The following PLEKHD1 variants were observed in gnomAD, a reference collection of about 807,000 sequenced individuals.
PLEKHD1 encodes the protein pleckstrin homology and coiled-coil domain containing D1.
In PLEKHD1, 51 loss-of-function variants were observed where a neutral mutation model predicts 69.2. The ratio of observed to expected loss-of-function variants is 0.74; its 90% CI spans 0.59 to 0.93. The LOEUF is 0.93. PLEKHD1 is among the 40% of genes least tolerant of loss of function. The pLI is 0.00. For missense variants in PLEKHD1, 584 were observed against 641.0 expected (o/e 0.91, Z 0.96); for synonymous variants, 236 against 244.7 (o/e 0.96, Z 0.33).
chr14:69,501,421 C>G, intron 4 of PLEKHD1: 1 of 334,178 alleles, frequency 3.0e-6, no homozygotes, highest in Non-Finnish European at 5.5e-6. Context: ...AGGCCTTGCA[C>G]TGGGTAGCGG....
intron 1 of PLEKHD1, among the ~76,000 whole-genome samples, chr14:69,498,057 ATTTATTTTATTTTAT>A (rs778122389): frequency 5.4e-4 from 67 of 124,694 alleles, no homozygotes; most frequent in African/African-American, 8.7e-4. Context: ...ATTTTATTTT[ATTTATTTTATTTTAT>A]TTTATTTTAT....
chr14:69,528,325 G>T lies in PLEKHD1; in HGVS notation c.1427G>T (p.Arg476Leu). Reference sequence around the variant, plus strand: ...GAGGAGCTAAAGGAGGTGGCCAAGCGGCTCAGCAGGGACCAGCGCTTCCGG... The same window carrying T: ...GAGGAGCTAAAGGAGGTGGCCAAGCTGCTCAGCAGGGACCAGCGCTTCCGG... ...NMEELKEVAK[R>L]LSRDQRFRES... The change falls in exon 13 of 13, where the codon CGG (arginine) becomes CTG (leucine). Residue 476 changes from arginine (R) to leucine (L), a missense_variant. By Grantham distance (102) the Arg-to-Leu change is moderately radical (BLOSUM62 -2). Coordinates refer to ENST00000322564, the MANE Select transcript of PLEKHD1 (RefSeq NM_001161498.2). The T allele has an allele frequency of 6.4e-7, 1 of 1,551,718 alleles. No homozygotes were observed. Among genetic ancestry groups the T allele is most frequent in the Non-Finnish European group, 8.7e-7 (1 of 1,146,992 alleles).
rs202048326 is a variant in PLEKHD1 at position 69,526,121 on chromosome 14, C to A, written c.922C>A (p.Arg308=). The A allele has an allele frequency of 1.3e-6, 2 of 1,548,420 alleles. No homozygotes were observed. The highest frequency in any genetic ancestry group is 1.7e-6 in the Non-Finnish European group (2 of 1,146,006). The part of the protein sequence containing the change: ...LLEEKLLAEK[R]MKENEERSRA... ...AGAGGAGAAGCTCCTGGCAGAGAAG[C>A]GGTGAGGGAGCCCCGACCCCTGAAG... is the stretch of plus-strand genomic sequence containing the variant. Residue 308 remains arginine, a splice_region_variant and synonymous_variant, in exon 9 of 13, where the codon CGG becomes AGG. Coordinates refer to ENST00000322564, the MANE Select transcript of PLEKHD1 (RefSeq NM_001161498.2).
chr14:69,507,855 C>T (rs1287444394), intron 6 of PLEKHD1, among the ~76,000 whole-genome samples: 2 of 152,036 alleles, frequency 1.3e-5, no homozygotes, highest in East Asian at 1.9e-4. Flanking sequence ...ACTATAGGTG[C>T]ACTCCAGCAC....
intron 7 of PLEKHD1, among the ~76,000 whole-genome samples, chr14:69,522,694 C>A (rs113252204): frequency 0.034 from 5,163 of 152,250 alleles, 138 homozygotes; most frequent in Non-Finnish European, 0.047. Context: ...ACAGGACACG[C>A]TGGCCTAGAG....
At chr14:69,496,506 GA>G (rs1249686065) in intron 1 of PLEKHD1, among the ~76,000 whole-genome samples, 4 of 151,898 alleles carry the variant, frequency 2.6e-5, no homozygotes, top group African/African-American at 9.7e-5. Context: ...GGAGGAAGAG[GA>G]AAAAGAGGGT....
intron 1 of PLEKHD1, among the ~76,000 whole-genome samples, chr14:69,493,932 C>T (rs544553686): frequency 1.3e-3 from 191 of 152,234 alleles, no homozygotes; most frequent in African/African-American, 4.2e-3. Flanking sequence ...ATGGGCTTCA[C>T]ACGGGGGGCA....
chr14:69,521,815 C>T (rs1226472484), intron 6 of PLEKHD1, among the ~76,000 whole-genome samples: 1 of 152,136 alleles, frequency 6.6e-6, no homozygotes, highest in Non-Finnish European at 1.5e-5. Flanking sequence ...AAAATAGAGT[C>T]CTTATTCTCT....
At chr14:69,496,862 T>C (rs1419442000) in intron 1 of PLEKHD1, among the ~76,000 whole-genome samples, 1 of 152,048 alleles carries the variant, frequency 6.6e-6, no homozygotes, top group Non-Finnish European at 1.5e-5. Context: ...AGAGAGCTCT[T>C]CTTATAAGGC....
chr14:69,488,228 A>G (rs1406563073), intron 1 of PLEKHD1, among the ~76,000 whole-genome samples: 1 of 152,196 alleles, frequency 6.6e-6, no homozygotes, highest in Non-Finnish European at 1.5e-5. Context: ...GTGTGTAAAG[A>G]TTATCTGTGC....
intron 1 of PLEKHD1, among the ~76,000 whole-genome samples, chr14:69,498,600 TCTCTTCTC>T (rs1445244084): frequency 2.8e-5 from 3 of 106,446 alleles, no homozygotes; most frequent in African/African-American, 1.1e-4. Context: ...TCTCTTCTCT[TCTCTTCTC>T]TTCTCTTCTC....
intron 1 of PLEKHD1, among the ~76,000 whole-genome samples, chr14:69,499,629 A>T (rs959564832): frequency 1.3e-5 from 2 of 152,244 alleles, no homozygotes; most frequent in Non-Finnish European, 2.9e-5. Flanking sequence ...GAGCAGCCTG[A>T]GACAAACGGA....
chr14:69,511,819 A>G (rs1275733), intron 6 of PLEKHD1, among the ~76,000 whole-genome samples: 48,125 of 152,098 alleles, frequency 0.32, 8,838 homozygotes, highest in African/African-American at 0.5. Context: ...CCAAAGTGCT[A>G]GGATTATAGG....
chr14:69,498,042 A>G (rs182105239), intron 1 of PLEKHD1, among the ~76,000 whole-genome samples: 5 of 127,268 alleles, frequency 3.9e-5, no homozygotes, highest in South Asian at 2.5e-4. Flanking sequence ...GTTTTATTTT[A>G]TTTTATTTTA....
intron 6 of PLEKHD1, chr14:69,503,325 A>C (rs918794888): frequency 1.9e-5 from 4 of 208,720 alleles, no homozygotes; most frequent in Non-Finnish European, 2.9e-5. Flanking sequence ...GGCTTGAGGC[A>C]GACTGGAGGG....
rs148769429 is a variant in PLEKHD1, at chr14:69,517,842, C to T, written c.556-4441C>T. 3.1e-3 allele frequency among the ~76,000 whole-genome samples: 475 copies of T among 152,184 alleles called. 3 individuals carry two copies. Among genetic ancestry groups the T allele is most frequent in the African/African-American group, 0.011 (451 of 41,540 alleles). On this transcript the variant is annotated intron_variant, in intron 6 of 12. Coordinates refer to ENST00000322564, the MANE Select transcript of PLEKHD1 (RefSeq NM_001161498.2). ...CACCTGATCTCCCCTAACCTCACAC[C>T]GCATACCTGCCTCACTCCCATCAGG...
At chr14:69,470,206 T>C in the PLEKHD1 span, among the ~76,000 whole-genome samples, 1 of 151,958 alleles carries the variant, frequency 6.6e-6, no homozygotes, top group African/African-American at 2.4e-5. Flanking sequence ...CTCATGCCTG[T>C]AATCTCAGCA....
Position 69,484,973 on chromosome 14 carries a change from C to T in PLEKHD1, c.8C>T (p.Thr3Met). The change falls in exon 1 of 13, where the codon ACG becomes ATG. Residue 3 changes from threonine (T) to methionine (M), a missense_variant. Coordinates refer to ENST00000322564, the MANE Select transcript of PLEKHD1 (RefSeq NM_001161498.2). ...CAGCCCCGCTGAGGCAGGATGTTCA[C>T]GTCCAAGTCCAACTCGGTGTCGCCC... MF[T>M]SKSNSVSPSP... is the part of the protein sequence containing the mutation. The T allele has an allele frequency of 6.4e-7, 1 of 1,551,022 alleles. No individual in the cohort carries two copies. The highest frequency in any genetic ancestry group is 8.7e-7 in the Non-Finnish European group (1 of 1,146,794).
intron 6 of PLEKHD1, among the ~76,000 whole-genome samples, chr14:69,510,455 G>A (rs2139515612): frequency 6.6e-6 from 1 of 152,076 alleles, no homozygotes; most frequent in East Asian, 1.9e-4. Context: ...TAATGTCAAT[G>A]GTAATGTGTT....
Sources: gnomAD v4.1 joint callset for allele counts (sites outside exome capture counted in the v4.1 genomes callset) on GRCh38, gnomAD v4.1.1 for gene constraint, MANE v1.5 for transcripts, NCBI Gene and HGNC (gene_info 2026-07-23, HGNC 2026-07-21) for gene names.